CLDN18: variants seen among roughly 807,000 people sequenced by gnomAD.
CLDN18 encodes the protein claudin 18, also known as claudin-18.
Under a neutral mutation model 25.0 loss-of-function variants are expected in CLDN18, and 20 were observed. The ratio of observed to expected loss-of-function variants is 0.80; its 90% CI spans 0.56 to 1.16. The LOEUF is 1.16. Among genes scored for constraint, CLDN18 ranks in the 50% most tolerant of loss-of-function variants. CLDN18 has a pLI of 0.00. For missense variants in CLDN18, 297 were observed against 345.4 expected (o/e 0.86, Z 1.11); for synonymous variants, 125 against 135.6 (o/e 0.92, Z 0.54).
Position 138,031,323 on chromosome 3 carries a change from C to T in CLDN18, c.*182C>T, listed in dbSNP as rs952684191. The T allele has an allele frequency of 1.1e-5, 5 of 445,908 alleles. No homozygotes were observed. The highest frequency in any genetic ancestry group is 7.9e-5 in the African/African-American group (4 of 50,336). The allele number at this position is 445,908 out of a possible 1,614,324, so 27.6% of individuals were successfully genotyped here. A position where few individuals can be genotyped will look rare whatever the true frequency, so the allele number is the denominator to read the frequency against. On this transcript the variant is annotated 3_prime_UTR_variant, in exon 5 of 5. Transcript: ENST00000183605. ...CAGTCTCTGTCTCTAAATATTCCAC[C>T]ATAAAACAGCTGAGTTATTTATGAA...
chr3:137,999,219 C>T (rs886709024), intron 1 of CLDN18: 14 of 744,960 alleles, frequency 1.9e-5, no homozygotes, highest in Non-Finnish European at 2.7e-5. Flanking sequence ...ACAGGGGCAA[C>T]AGCCACCTGC....
chr3:138,015,523 A>G (rs889198226), intron 1 of CLDN18, among the ~76,000 whole-genome samples: 1 of 152,226 alleles, frequency 6.6e-6, no homozygotes, highest in African/African-American at 2.4e-5. Context: ...AGTAAGCCTT[A>G]AAGTGTTTAC....
upstream of CLDN18, among the ~76,000 whole-genome samples, chr3:138,007,322 A>G (rs190414069): frequency 2.2e-3 from 337 of 152,358 alleles, 2 homozygotes; most frequent in African/African-American, 7.6e-3. Context: ...GATAGACTGG[A>G]TAAAATGTGG....
chr3:138,010,516 C>CCCCA, intron 1 of CLDN18, 71 bp downstream of exon 1: 1 of 1,574,376 alleles, frequency 6.4e-7, no homozygotes, highest in Non-Finnish European at 8.7e-7. Flanking sequence ...TTGCGTTAAG[C>CCCCA]CCCACTCCCA....
chr3:138,014,466 C>T (rs571270175), intron 1 of CLDN18, among the ~76,000 whole-genome samples: 11 of 152,050 alleles, frequency 7.2e-5, no homozygotes, highest in African/African-American at 2.2e-4. Flanking sequence ...CAGCATGGCA[C>T]ACAACAAGCA....
chr3:138,012,550 C>T (rs956381846), intron 1 of CLDN18, among the ~76,000 whole-genome samples: 1 of 151,502 alleles, frequency 6.6e-6, no homozygotes, highest in Admixed American at 6.6e-5. Flanking sequence ...CCCCTGAATT[C>T]CCCCCTCCAC....
chr3:138,029,858 G>A lies in CLDN18; in HGVS notation c.565G>A (p.Gly189Ser), dbSNP rs201345180. 4 of 1,599,198 alleles carry A rather than the reference G, an allele frequency of 2.5e-6. No homozygotes were observed. Among genetic ancestry groups the A allele is most frequent in the Non-Finnish European group, 3.4e-6 (4 of 1,173,570 alleles). The change falls in exon 4 of 5, where the codon GGT becomes AGT. Residue 189 changes from glycine (G) to serine (S), a missense_variant. Gly to Ser is a moderately conservative substitution (Grantham distance 56, BLOSUM62 0). Transcript: ENST00000183605. ...WVAGGLTLIG[G>S]VMMCIACRGL... ...CGCTGGAGGCCTCACACTAATTGGGGGTGTGATGATGTGCATCGCCTGCCG... is the reference window on the plus strand; with the variant it reads ...CGCTGGAGGCCTCACACTAATTGGGAGTGTGATGATGTGCATCGCCTGCCG...
At chr3:138,016,440 A>T (rs1302987251) in intron 1 of CLDN18, among the ~76,000 whole-genome samples, 1 of 152,186 alleles carries the variant, frequency 6.6e-6, no homozygotes, top group Non-Finnish European at 1.5e-5. Context: ...AGTTTAAAGC[A>T]TGGATGACCT....
upstream of CLDN18, among the ~76,000 whole-genome samples, chr3:138,005,887 A>C (rs1163251176): frequency 2.6e-5 from 4 of 151,810 alleles, no homozygotes; most frequent in South Asian, 2.1e-4. Flanking sequence ...TATTCAAAAA[A>C]ATGGGGGAAG....
intron 3 of CLDN18, among the ~76,000 whole-genome samples, chr3:138,026,304 G>A (rs1440716240): frequency 6.6e-6 from 1 of 152,190 alleles, no homozygotes; most frequent in East Asian, 1.9e-4. Flanking sequence ...AAGGTGTTTT[G>A]TATAAAACAT....
At chr3:138,010,500 G>A (rs1055476916) in intron 1 of CLDN18, 55 bp downstream of exon 1, 12 of 1,602,152 alleles carry the variant, frequency 7.5e-6, no homozygotes, top group Non-Finnish European at 8.5e-6. Flanking sequence ...GCAGGGAAGG[G>A]GGCGTTTGCG....
upstream of CLDN18, among the ~76,000 whole-genome samples, chr3:138,006,156 C>A (rs769510320): frequency 8.5e-5 from 13 of 152,062 alleles, no homozygotes; most frequent in Non-Finnish European, 1.8e-4. Context: ...TCCAAATTTT[C>A]TATTATGAAC....
chr3:138,023,929 C>A, intron 2 of CLDN18, 107 bp downstream of exon 2: 1 of 1,142,288 alleles, frequency 8.8e-7, no homozygotes, highest in African/African-American at 1.5e-5. Context: ...CAGAACTTTT[C>A]ATACTGAGAT....
At chr3:138,010,067 C>T, upstream of CLDN18, 3 of 1,241,956 alleles carry the variant, frequency 2.4e-6, no homozygotes, top group Non-Finnish European at 3.2e-6. Flanking sequence ...GAACCAGGAG[C>T]GAAACTGAGC....
chr3:138,032,463 A>G lies in CLDN18; in HGVS notation c.*1322A>G, dbSNP rs541951552. 1 of 151,634 alleles carries G rather than the reference A, an allele frequency of 6.6e-6. No homozygotes were observed. Among genetic ancestry groups the G allele is most frequent in the African/African-American group, 2.4e-5 (1 of 41,244 alleles). The allele number at this position is 151,634 out of a possible 1,614,324, so 9.4% of individuals were successfully genotyped here. On this transcript the variant is annotated 3_prime_UTR_variant, in exon 5 of 5. Transcript: ENST00000183605. ...TAAATAATGGAACACAGCAAGTCCT[A>G]GGAAGTAGGTTAAAACTAATTCTTT... is the stretch of plus-strand genomic sequence containing the variant.
chr3:138,009,228 C>A (rs1029961488), upstream of CLDN18, among the ~76,000 whole-genome samples: 1 of 152,216 alleles, frequency 6.6e-6, no homozygotes, highest in Non-Finnish European at 1.5e-5. Flanking sequence ...TTGCCCCCAA[C>A]CTGCCCAGCA....
intron 3 of CLDN18, among the ~76,000 whole-genome samples, chr3:138,028,864 G>A (rs1231500856): frequency 6.6e-6 from 1 of 152,176 alleles, no homozygotes; most frequent in Non-Finnish European, 1.5e-5. Context: ...TTGTGAGCTG[G>A]AACAGAAGCA....
intron 1 of CLDN18, among the ~76,000 whole-genome samples, chr3:138,015,080 T>A (rs1315045533): frequency 6.6e-6 from 1 of 152,124 alleles, no homozygotes; most frequent in African/African-American, 2.4e-5. Context: ...TGCAGTGAAC[T>A]GTGATCATGC....
At chr3:138,004,502 C>A (rs528692005) in intron 1 of CLDN18, 9 of 151,788 alleles carry the variant, frequency 5.9e-5, no homozygotes, top group Non-Finnish European at 1.3e-4. Context: ...GCTAACGCTG[C>A]CAGATATTCA....
Sources: gnomAD v4.1 joint callset for allele counts (sites outside exome capture counted in the v4.1 genomes callset) on GRCh38, gnomAD v4.1.1 for gene constraint, MANE v1.5 for transcripts, NCBI Gene and HGNC (gene_info 2026-07-23, HGNC 2026-07-21) for gene names.